Variants in ZBTB11 observed in about 807,000 individuals in gnomAD.
ZBTB11 encodes the protein zinc finger and BTB domain-containing protein 11.
A neutral mutation model predicts 113.1 loss-of-function variants in ZBTB11; 68 were observed. The observed-to-expected ratio is 0.60, with a 90% CI of 0.49 to 0.74. ZBTB11 has a LOEUF of 0.74. ZBTB11 is among the 30% of genes least tolerant of loss of function. The pLI is 0.00. For missense variants in ZBTB11, 1,104 were observed against 1,279.4 expected (o/e 0.86, Z 2.09); for synonymous variants, 518 against 452.6 (o/e 1.14, Z -1.83).
At chr3:101,668,555 A>G (rs2108325719) in intron 3 of ZBTB11, among the ~76,000 whole-genome samples, 1 of 152,060 alleles carries the variant, frequency 6.6e-6, no homozygotes, top group Admixed American at 6.6e-5. Flanking sequence ...CTTGAGCCCA[A>G]AAGTTGCTTG....
chr3:101,653,728 A>AC, intron 8 of ZBTB11, among the ~76,000 whole-genome samples: 1 of 152,228 alleles, frequency 6.6e-6, no homozygotes, highest in East Asian at 1.9e-4. Flanking sequence ...AAACTGGCAA[A>AC]CTGTTAGAAT....
intron 3 of ZBTB11, 109 bp from the exon 4 acceptor site, chr3:101,665,917 T>G: frequency 3.6e-6 from 4 of 1,107,212 alleles, no homozygotes; most frequent in Non-Finnish European, 5.1e-6. Context: ...CCATTTGTTC[T>G]GCAACTAATC....
In ZBTB11 at chr3:101,665,045, T is replaced by C. The variant is rs375433515; in HGVS notation, c.1542A>G (p.Glu514=). The change falls in exon 4 of 11, where the codon GAA becomes GAG. Residue 514 remains glutamate (E), a synonymous_variant. Transcript: ENST00000312938. ...RSRLRQRSVN[E]GAYIRLHKGM... is the part of the protein sequence containing the mutation. Reference sequence around the variant, plus strand: ...CCTTGTGTAGTCGAATATATGCCCCTTCATTAACAGAACGTTGTCGAAGCC... The same window carrying C: ...CCTTGTGTAGTCGAATATATGCCCCCTCATTAACAGAACGTTGTCGAAGCC... 3.7e-6 allele frequency: 6 copies of C among 1,614,074 alleles called. No homozygotes were observed. The African/African-American group carries it at 4.0e-5, about 11-fold the overall frequency.
At position 101,650,339 on chromosome 3, in the gene ZBTB11, T is replaced by C. The variant is rs1379297597; in HGVS notation, c.*827A>G. The C allele has an allele frequency of 6.6e-6, 1 of 152,176 alleles. No homozygotes were observed. Among genetic ancestry groups the C allele is most frequent in the Non-Finnish European group, 1.5e-5 (1 of 67,922 alleles). The allele number at this position is 152,176 out of a possible 1,614,324, so 9.4% of individuals were successfully genotyped here. A position where few individuals can be genotyped will look rare whatever the true frequency, so the allele number is the denominator to read the frequency against. ...GTTCATTCTTTGCAAATAATGAGAA[T>C]TTTTTTTTCCATTAATTGTCCTATG... On this transcript the variant is annotated 3_prime_UTR_variant, in exon 11 of 11. Transcript: ENST00000312938.
rs1051853312 is a variant in ZBTB11, at chr3:101,650,465, A to G, written c.*701T>C. 2 of 152,642 alleles carry G rather than the reference A, an allele frequency of 1.3e-5. No individual in the cohort carries two copies. The highest frequency in any genetic ancestry group is 2.9e-5 in the Non-Finnish European group (2 of 68,022). The allele number at this position is 152,642 out of a possible 1,614,324, so 9.5% of individuals were successfully genotyped here. On this transcript the variant is annotated 3_prime_UTR_variant, in exon 11 of 11. Transcript: ENST00000312938. Reference sequence around the variant, plus strand: ...AGAAATAGTATAGTAAGGTTTTAATAAGCATTTCATGCATTTTAATGGCAT... The same window carrying G: ...AGAAATAGTATAGTAAGGTTTTAATGAGCATTTCATGCATTTTAATGGCAT...
intron 2 of ZBTB11, chr3:101,671,681 C>T: frequency 1.7e-6 from 1 of 580,574 alleles, no homozygotes; most frequent in Non-Finnish European, 3.0e-6. Flanking sequence ...GGGGCGTAAA[C>T]TCAGAGACTG....
Position 101,650,343 on chromosome 3 carries a change from T to G in ZBTB11, c.*823A>C, listed in dbSNP as rs1479977685. On this transcript the variant is annotated 3_prime_UTR_variant, in exon 11 of 11. Coordinates refer to ENST00000312938, the MANE Select transcript of ZBTB11 (RefSeq NM_014415.4). ...ATTCTTTGCAAATAATGAGAATTTT[T>G]TTTTCCATTAATTGTCCTATGTTAT... 1 of 152,558 alleles carries G rather than the reference T, an allele frequency of 6.6e-6. No individual in the cohort carries two copies. The highest frequency in any genetic ancestry group is 1.5e-5 in the Non-Finnish European group (1 of 68,024). The allele number at this position is 152,558 out of a possible 1,614,324, so 9.5% of individuals were successfully genotyped here.
intron 8 of ZBTB11, among the ~76,000 whole-genome samples, chr3:101,654,365 T>A (rs537878061): frequency 6.6e-6 from 1 of 152,156 alleles, no homozygotes; most frequent in East Asian, 1.9e-4. Flanking sequence ...TTATATGAAT[T>A]TTACCTCGAT....
At chr3:101,673,342 C>T (rs1196834449) in intron 1 of ZBTB11, among the ~76,000 whole-genome samples, 1 of 152,090 alleles carries the variant, frequency 6.6e-6, no homozygotes, top group Admixed American at 6.6e-5. Context: ...ATGGGATTTT[C>T]GGTATATTAT....
intron 3 of ZBTB11, among the ~76,000 whole-genome samples, chr3:101,667,165 T>C (rs1289348867): frequency 1.3e-5 from 2 of 152,208 alleles, no homozygotes; most frequent in African/African-American, 4.8e-5. Context: ...GCAGTCCTTC[T>C]GCTTCAGCCA....
intron 3 of ZBTB11, among the ~76,000 whole-genome samples, chr3:101,669,055 C>T (rs1259542112): frequency 6.6e-6 from 1 of 152,024 alleles, no homozygotes; most frequent in East Asian, 1.9e-4. Flanking sequence ...GTGGCTAAGA[C>T]AGGGTCTTGC....
chr3:101,669,333 C>T (rs1937048276), intron 3 of ZBTB11, among the ~76,000 whole-genome samples: 1 of 152,226 alleles, frequency 6.6e-6, no homozygotes, highest in South Asian at 2.1e-4. Flanking sequence ...GCCTTATCTA[C>T]TTAATATTTA....
At chr3:101,669,575 A>G (rs2108326345) in intron 3 of ZBTB11, among the ~76,000 whole-genome samples, 1 of 152,324 alleles carries the variant, frequency 6.6e-6, no homozygotes, top group Non-Finnish European at 1.5e-5. Context: ...AAATATAGGG[A>G]AAAAATTCCA....
intron 6 of ZBTB11, among the ~76,000 whole-genome samples, chr3:101,657,919 C>T (rs907821573): frequency 7.9e-5 from 12 of 152,098 alleles, no homozygotes; most frequent in African/African-American, 1.9e-4. Context: ...AGGAGGATTG[C>T]TTGAAACCAG....
At chr3:101,658,188 C>G (rs2108318113) in intron 6 of ZBTB11, among the ~76,000 whole-genome samples, 1 of 152,034 alleles carries the variant, frequency 6.6e-6, no homozygotes, top group South Asian at 2.1e-4. Flanking sequence ...TTGCAGCAAC[C>G]TGGATGGAAC....
chr3:101,658,563 GTCCAGGC>G (rs1432579582), intron 6 of ZBTB11, among the ~76,000 whole-genome samples: 1 of 152,080 alleles, frequency 6.6e-6, no homozygotes, highest in Non-Finnish European at 1.5e-5. Flanking sequence ...TGCTCTTGTT[GTCCAGGC>G]TGGAATGCAG....
chr3:101,651,560 T>C lies in ZBTB11; in HGVS notation c.2768A>G (p.Tyr923Cys), dbSNP rs1400347885. 1.2e-6 allele frequency: 2 copies of C among 1,614,180 alleles called. No individual in the cohort carries two copies. Among genetic ancestry groups the C allele is most frequent in the East Asian group, 2.2e-5 (1 of 44,874 alleles). Residue 923 changes from tyrosine to cysteine, a missense_variant, in exon 11 of 11, where the codon TAC becomes TGC. Around this residue, in one of 5 missense-constraint regions of ZBTB11, gnomAD observed 148 missense variants for 259.3 expected, o/e 0.57. Coordinates refer to ENST00000312938, the MANE Select transcript of ZBTB11 (RefSeq NM_014415.4). ...PYVCPVCSEA[Y>C]IDARTLRKHM... ...TTTACGGAGTGTTCGAGCATCTATG[T>C]AGGCTTCGCTACATACAGGACAGAC...
chr3:101,674,187 G>A (rs1465286965), intron 1 of ZBTB11, among the ~76,000 whole-genome samples: 1 of 151,870 alleles, frequency 6.6e-6, no homozygotes. Flanking sequence ...GTGGAGGCAC[G>A]CGCCTGTAGT....
intron 8 of ZBTB11, among the ~76,000 whole-genome samples, chr3:101,654,292 T>G (rs1199513954): frequency 2.6e-5 from 4 of 152,192 alleles, no homozygotes; most frequent in Non-Finnish European, 5.9e-5. Flanking sequence ...CTGCCCGCCT[T>G]GGCCTCCCAA....
Sources: allele counts gnomAD v4.1 joint callset (sites outside exome capture counted in the v4.1 genomes callset), GRCh38; gene constraint gnomAD v4.1.1; regional missense constraint gnomAD v4.1.1; transcripts MANE v1.5; gene names NCBI Gene and HGNC (gene_info 2026-07-23, HGNC 2026-07-21).